Variants in GSE1 observed in about 807,000 individuals in gnomAD.
GSE1 encodes genetic suppressor element 1.
A neutral mutation model predicts 112.6 loss-of-function variants in GSE1; 32 were observed. The observed-to-expected ratio is 0.28, with a 90% CI of 0.21 to 0.38. GSE1 has a LOEUF of 0.38. GSE1 is among the 10% of genes least tolerant of loss of function. GSE1 has a pLI of 1.00. For missense variants in GSE1, 2,348 were observed against 1,699.2 expected (o/e 1.38, Z -6.71); for synonymous variants, 1,115 against 735.6 (o/e 1.52, Z -8.35).
intron 2 of GSE1, among the ~76,000 whole-genome samples, chr16:85,641,261 G>A (rs574675734): frequency 2.6e-5 from 4 of 152,344 alleles, no homozygotes; most frequent in South Asian, 4.1e-4. Context: ...GGCTCCATCC[G>A]GCTCCCAGGG....
intron 1 of GSE1, among the ~76,000 whole-genome samples, chr16:85,260,574 C>G: frequency 6.6e-6 from 1 of 152,180 alleles, no homozygotes; most frequent in Non-Finnish European, 1.5e-5. Flanking sequence ...CCACCTGCCT[C>G]GGCCTCCCAA....
intron 2 of GSE1, among the ~76,000 whole-genome samples, chr16:85,422,868 T>G (rs2151743251): frequency 6.6e-6 from 1 of 152,248 alleles, no homozygotes; most frequent in South Asian, 2.1e-4. Context: ...TAACCAGGCC[T>G]GACGCTCGGG....
chr16:85,615,793 C>T (rs1279624965), intron 1 of GSE1, among the ~76,000 whole-genome samples: 1 of 152,220 alleles, frequency 6.6e-6, no homozygotes, highest in African/African-American at 2.4e-5. Flanking sequence ...GCTGGCCAGG[C>T]CTTTCCAAGC....
intron 1 of GSE1, among the ~76,000 whole-genome samples, chr16:85,178,473 G>A (rs1268134564): frequency 1.3e-5 from 2 of 152,084 alleles, no homozygotes; most frequent in Admixed American, 1.3e-4. Flanking sequence ...AAATACCAAT[G>A]ACAGGGCCCT....
chr16:85,290,995 G>T (rs1183064983), intron 1 of GSE1, among the ~76,000 whole-genome samples: 1 of 152,252 alleles, frequency 6.6e-6, no homozygotes, highest in Non-Finnish European at 1.5e-5. Context: ...GACAGACATG[G>T]GAGGGGGCTG....
chr16:85,473,549 G>A (rs1021567350), intron 2 of GSE1, among the ~76,000 whole-genome samples: 8 of 152,168 alleles, frequency 5.3e-5, no homozygotes, highest in Non-Finnish European at 1.0e-4. Flanking sequence ...TGGCTGCCAC[G>A]GTCCTTGGCT....
Position 85,648,080 on chromosome 16 carries a change from C to G in GSE1, c.227-472C>G, listed in dbSNP as rs563403316. 8.7e-5 allele frequency among the ~76,000 whole-genome samples: 13 copies of G among 149,260 alleles called. No homozygotes were observed. In the South Asian group the frequency reaches 2.2e-3, roughly 25 times the overall value. ...CTCTCGGTGGGGCAGGGTGTGTGGC[C>G]CAGCTGGCCTGTGTGTCCTGGGATG... On this transcript the variant is annotated intron_variant, in intron 2 of 15. Coordinates refer to ENST00000253458, the MANE Select transcript of GSE1 (RefSeq NM_014615.5).
chr16:85,655,808 C>T lies in GSE1; in HGVS notation c.880C>T (p.Pro294Ser). Residue 294 changes from proline to serine, a missense_variant, in exon 6 of 16, where the codon CCA (proline) becomes TCA (serine). Pro to Ser is a moderately conservative substitution (Grantham distance 74). Coordinates refer to ENST00000253458, the MANE Select transcript of GSE1 (RefSeq NM_014615.5). The stretch of plus-strand genomic sequence containing the variant: ...CCCCGGCTCCCTGCCCCCACTGCAC[C>T]CATCAGCGATGCACCTGCACCTCTC... ...PTPGSLPPLH[P>S]SAMHLHLSGV... 1.2e-6 allele frequency: 2 copies of T among 1,610,190 alleles called. No homozygotes were observed. Among genetic ancestry groups the T allele is most frequent in the Non-Finnish European group, 1.7e-6 (2 of 1,178,138 alleles).
chr16:85,228,604 C>T (rs530420116), intron 1 of GSE1, among the ~76,000 whole-genome samples: 4 of 152,290 alleles, frequency 2.6e-5, no homozygotes, highest in Admixed American at 2.6e-4. Flanking sequence ...TGTTGCGTGT[C>T]AGCAGTACAG....
At chr16:85,462,749 G>A (rs1197793697) in intron 2 of GSE1, among the ~76,000 whole-genome samples, 8 of 141,426 alleles carry the variant, frequency 5.7e-5, no homozygotes, top group Admixed American at 1.4e-4. Flanking sequence ...GGCGGGGGAC[G>A]AGGTGGTGGC....
At chr16:85,239,521 G>A (rs1905003095) in intron 1 of GSE1, among the ~76,000 whole-genome samples, 4 of 152,224 alleles carry the variant, frequency 2.6e-5, no homozygotes. Context: ...GGCTCCACCT[G>A]CAAGCCTTTC....
At chr16:85,170,223 G>A (rs1176780175) in exon 1 of GSE1, 10 of 985,310 alleles carry the variant, frequency 1.0e-5, no homozygotes, top group Non-Finnish European at 1.2e-5. Context: ...AGGGGCGCGC[G>A]GAGGAGGAGG....
chr16:85,232,765 C>T (rs1191229077), intron 1 of GSE1, among the ~76,000 whole-genome samples: 1 of 152,284 alleles, frequency 6.6e-6, no homozygotes, highest in East Asian at 1.9e-4. Flanking sequence ...AAGCCACTTC[C>T]TCCCGGAGGC....
chr16:85,428,996 T>TC (rs2049056001), intron 2 of GSE1, among the ~76,000 whole-genome samples: 1 of 152,164 alleles, frequency 6.6e-6, no homozygotes, highest in Non-Finnish European at 1.5e-5. Flanking sequence ...AATCTCAGCT[T>TC]CATAACACAG....
chr16:85,408,969 CACTCAGGGCCCCCTGGATAATCCTCACT>C (rs1166751464), intron 2 of GSE1, among the ~76,000 whole-genome samples: 1 of 6,690 alleles, frequency 1.5e-4, no homozygotes, highest in Non-Finnish European at 5.9e-4. Context: ...CTCACTGTTA[CACTCAGGGCCCCCTGGATAATCCTCACT>C]GTTACACTCA....
chr16:85,645,709 T>G (rs2050797457), intron 2 of GSE1, among the ~76,000 whole-genome samples: 1 of 152,164 alleles, frequency 6.6e-6, no homozygotes, highest in East Asian at 1.9e-4. Context: ...AGGCTGCTTC[T>G]GCCCCCGGAA....
At chr16:85,554,119 A>G (rs1034808338), upstream of GSE1, among the ~76,000 whole-genome samples, 1 of 149,448 alleles carries the variant, frequency 6.7e-6, no homozygotes, top group African/African-American at 2.5e-5. Flanking sequence ...TTGAAAATAA[A>G]TTGTCACATC....
chr16:85,185,465 C>T (rs924731058), intron 1 of GSE1: 2 of 152,324 alleles, frequency 1.3e-5, no homozygotes, highest in Admixed American at 1.3e-4. Flanking sequence ...CCAGAAGTCA[C>T]CTCCATGCAG....
intron 2 of GSE1, among the ~76,000 whole-genome samples, chr16:85,456,951 T>C (rs2049845354): frequency 6.6e-6 from 1 of 152,150 alleles, no homozygotes; most frequent in African/African-American, 2.4e-5. Context: ...CCTTGCTAAG[T>C]CACAAGAGAC....
Sources: allele counts gnomAD v4.1 joint callset (sites outside exome capture counted in the v4.1 genomes callset), GRCh38; gene constraint gnomAD v4.1.1; transcripts MANE v1.5; gene names NCBI Gene and HGNC (gene_info 2026-07-23, HGNC 2026-07-21).